Variants in BICRA observed in about 807,000 individuals in gnomAD.
The protein encoded by BICRA is BRD4-interacting chromatin-remodeling complex-associated protein.
Under a neutral mutation model 96.9 loss-of-function variants are expected in BICRA, and 31 were observed. That is an observed-to-expected ratio of 0.32 (90% confidence interval 0.24 to 0.43). The LOEUF is 0.43. Ranked by LOEUF, BICRA falls within the 20% of genes least tolerant of loss-of-function variation. The probability of loss-of-function intolerance (pLI) is 1.00; values close to 1 mark genes in which losing one functional copy is unlikely to be tolerated. For synonymous variants in BICRA, 1,350 were observed against 1,071.8 expected (o/e 1.26, Z -5.07); for missense variants, 2,283 against 2,190.3 (o/e 1.04, Z -0.84).
At chr19:47,617,852 GATATC>G (rs1327459487) in intron 1 of BICRA, among the ~76,000 whole-genome samples, 6 of 151,662 alleles carry the variant, frequency 4.0e-5, no homozygotes, top group African/African-American at 1.2e-4. Context: ...GCAAATTCCA[GATATC>G]ATATCATTTC....
Position 47,680,672 on chromosome 19 carries a change from C to T in BICRA, c.1502C>T (p.Ala501Val), listed in dbSNP as rs751637882. 6.2e-7 allele frequency: 1 copy of T among 1,605,134 alleles called. No individual in the cohort carries two copies. Residue 501 changes from alanine (A) to valine (V), a missense_variant, in exon 6 of 15, where the codon GCT becomes GTT. Transcript: ENST00000594866. The stretch of plus-strand genomic sequence containing the variant: ...GTGGGCGGGCAGATCCTGGCGGCCG[C>T]TGCCCCCCACACAGGTGGACAGCTC... The part of the protein sequence containing the change: ...ANVGGQILAA[A>V]APHTGGQLIA...
At chr19:47,632,007 C>G (rs569443155) in intron 1 of BICRA, among the ~76,000 whole-genome samples, 2 of 152,288 alleles carry the variant, frequency 1.3e-5, no homozygotes, top group East Asian at 3.9e-4. Context: ...CGCTTTTAGC[C>G]TGGTAGCGCT....
intron 1 of BICRA, among the ~76,000 whole-genome samples, chr19:47,650,292 C>T (rs558949507): frequency 7.9e-5 from 12 of 152,238 alleles, no homozygotes; most frequent in Admixed American, 2.6e-4. Context: ...GCCACCACCC[C>T]GGCTAATTTT....
chr19:47,666,353 C>T (rs1053792914), intron 1 of BICRA, among the ~76,000 whole-genome samples: 2 of 151,822 alleles, frequency 1.3e-5, no homozygotes, highest in East Asian at 3.9e-4. Context: ...AATCTCAGCT[C>T]ACTGCAGCCT....
At chr19:47,676,395 C>T (rs958435788) in intron 5 of BICRA, among the ~76,000 whole-genome samples, 6 of 152,082 alleles carry the variant, frequency 3.9e-5, no homozygotes, top group African/African-American at 1.4e-4. Flanking sequence ...TGAGAAAAGC[C>T]CAGAGTGGCC....
chr19:47,691,700 A>T (rs1205848055), intron 7 of BICRA, among the ~76,000 whole-genome samples: 1 of 152,058 alleles, frequency 6.6e-6, no homozygotes, highest in East Asian at 1.9e-4. Context: ...AGTGGCCGGG[A>T]TTACAGGCAC....
intron 1 of BICRA, among the ~76,000 whole-genome samples, chr19:47,631,200 G>A (rs1395539594): frequency 6.6e-6 from 1 of 151,964 alleles, no homozygotes; most frequent in Admixed American, 6.6e-5. Flanking sequence ...GACTACAGAT[G>A]TGCACCACCC....
At chr19:47,631,102 C>G (rs1049813766) in intron 1 of BICRA, among the ~76,000 whole-genome samples, 1 of 152,056 alleles carries the variant, frequency 6.6e-6, no homozygotes, top group Non-Finnish European at 1.5e-5. Flanking sequence ...ACTCTTTTGC[C>G]CATTCTGGAG....
chr19:47,609,627 C>T (rs1341533500), intron 1 of BICRA, among the ~76,000 whole-genome samples: 3 of 151,504 alleles, frequency 2.0e-5, no homozygotes, highest in Non-Finnish European at 4.4e-5. Context: ...CCCGTCCCGG[C>T]CCCCTCCCCT....
chr19:47,641,119 A>T (rs1972380248), intron 1 of BICRA, among the ~76,000 whole-genome samples: 1 of 117,688 alleles, frequency 8.5e-6, no homozygotes, highest in Non-Finnish European at 1.7e-5. Flanking sequence ...ACCGGGTTTC[A>T]CTGTGTTAGC....
At chr19:47,638,124 C>T (rs1972327529) in intron 1 of BICRA, among the ~76,000 whole-genome samples, 2 of 152,146 alleles carry the variant, frequency 1.3e-5, no homozygotes, top group South Asian at 4.1e-4. Context: ...CCTCCTCCTC[C>T]TGCTCTTTCT....
At chr19:47,658,541 A>G (rs1050233763) in intron 1 of BICRA, among the ~76,000 whole-genome samples, 2 of 147,968 alleles carry the variant, frequency 1.4e-5, no homozygotes, top group African/African-American at 5.0e-5. Flanking sequence ...CTAAGGCGGG[A>G]GGATTGCTTG....
Position 47,694,480 on chromosome 19 carries a change from C to T in BICRA, c.2649C>T (p.Ser883=), listed in dbSNP as rs774396278. ...CAGCCCCCCACCTCCCTCCATCCTC[C>T]ACCTCCTCTGCTGTGGCCTCCTCCT... ...LPPAPHLPPS[S]TSSAVASSSE... The change falls in exon 8 of 15, where the codon TCC becomes TCT. Residue 883 remains serine, a synonymous_variant. Coordinates refer to ENST00000594866, the MANE Select transcript of BICRA (RefSeq NM_001394372.1). 2.0e-6 allele frequency: 3 copies of T among 1,487,638 alleles called. No individual in the cohort carries two copies. The highest frequency in any genetic ancestry group is 1.7e-5 in the Admixed American group (1 of 58,740). 92.2% of individuals were successfully genotyped at this position (1,487,638 alleles called of 1,614,324 possible).
chr19:47,626,571 G>GTTTTT (rs549577847), intron 1 of BICRA, among the ~76,000 whole-genome samples: 4 of 126,632 alleles, frequency 3.2e-5, no homozygotes, highest in Admixed American at 8.4e-5. Flanking sequence ...TAATTTTTTG[G>GTTTTT]TTTTTTTTTT....
At chr19:47,635,724 GTTTAT>G (rs1237256676) in intron 1 of BICRA, among the ~76,000 whole-genome samples, 1 of 152,084 alleles carries the variant, frequency 6.6e-6, no homozygotes, top group African/African-American at 2.4e-5. Context: ...TTTGTGTCTG[GTTTAT>G]TTTATTTAAC....
chr19:47,659,781 C>CCT (rs1195099363), intron 1 of BICRA, among the ~76,000 whole-genome samples: 1 of 150,422 alleles, frequency 6.6e-6, no homozygotes, highest in African/African-American at 2.4e-5. Flanking sequence ...ACAGGGTCTC[C>CCT]CTCTGTCACC....
At position 47,680,169 on chromosome 19, in the gene BICRA, G is replaced by T. The variant is rs1178789733; in HGVS notation, c.999G>T (p.Ser333=). 5 of 1,535,212 alleles carry T rather than the reference G, an allele frequency of 3.3e-6. No individual in the cohort carries two copies. Among genetic ancestry groups the T allele is most frequent in the Admixed American group, 4.0e-5 (2 of 50,306 alleles). Residue 333 remains serine (S), a synonymous_variant, in exon 6 of 15, where the codon TCG becomes TCT. Transcript: ENST00000594866. The part of the protein sequence containing the change: ...QPLAVAPGLG[S]SPLVPAPNVI... ...TGGCGGTGGCCCCAGGCCTCGGCTC[G>T]TCGCCACTGGTCCCGGCGCCCAACG...
At chr19:47,682,572 C>A (rs991230815) in intron 7 of BICRA, among the ~76,000 whole-genome samples, 1 of 152,148 alleles carries the variant, frequency 6.6e-6, no homozygotes, top group South Asian at 2.1e-4. Context: ...CAAATAGATT[C>A]TTTTCCTTCA....
At chr19:47,683,734 G>A (rs906668594) in intron 7 of BICRA, among the ~76,000 whole-genome samples, 18 of 152,132 alleles carry the variant, frequency 1.2e-4, no homozygotes, top group Middle Eastern at 3.4e-3. Flanking sequence ...ACAGGCGCCC[G>A]CCACCACGCC....
Sources: gnomAD v4.1 joint callset for allele counts (sites outside exome capture counted in the v4.1 genomes callset) on GRCh38, gnomAD v4.1.1 for gene constraint, MANE v1.5 for transcripts, NCBI Gene and HGNC (gene_info 2026-07-23, HGNC 2026-07-21) for gene names.